The following SCN2A variants were observed in gnomAD, a reference collection of about 807,000 sequenced individuals.
The protein encoded by SCN2A is sodium channel protein type 2 subunit alpha.
SCN2A carries 20 observed loss-of-function variants against 188.7 expected under a neutral mutation model. The observed-to-expected ratio is 0.11, with a 90% confidence interval of 0.07 to 0.15. The LOEUF is 0.15. Among genes scored for constraint, SCN2A ranks in the 10% least tolerant of loss-of-function variants. The pLI, the probability that SCN2A is intolerant of heterozygous loss-of-function variation, is 1.00. For missense variants in SCN2A, 1,278 were observed against 2,445.0 expected (o/e 0.52, Z 10.07); for synonymous variants, 804 against 833.1 (o/e 0.97, Z 0.60).
chr2:165,390,146 C>T lies in SCN2A; in HGVS notation c.*322C>T, dbSNP rs1483314595. Reference sequence around the variant, plus strand: ...AAGTTAAATTTTTATGTAAATTCAACATGTGACACTTGATAATAGTAATTG... The same window carrying T: ...AAGTTAAATTTTTATGTAAATTCAATATGTGACACTTGATAATAGTAATTG... On this transcript the variant is annotated 3_prime_UTR_variant, in exon 27 of 27. Transcript: ENST00000375437. 2 of 290,626 alleles carry T rather than the reference C, an allele frequency of 6.9e-6. No individual in the cohort carries two copies. The highest frequency in any genetic ancestry group is 9.6e-5 in the South Asian group (2 of 20,874). 18.0% of individuals were successfully genotyped at this position (290,626 alleles called of 1,614,324 possible). A position where few individuals can be genotyped will look rare whatever the true frequency, so the allele number is the denominator to read the frequency against.
chr2:165,273,615 G>C (rs1299834001), intron 1 of SCN2A: 2 of 151,820 alleles, frequency 1.3e-5, no homozygotes, highest in South Asian at 2.1e-4. Context: ...CTTTCTCTCT[G>C]TCTGTTTGAG....
chr2:165,266,175 AG>A (rs763447461), intron 1 of SCN2A, among the ~76,000 whole-genome samples: 1 of 152,058 alleles, frequency 6.6e-6, no homozygotes, highest in Non-Finnish European at 1.5e-5. Context: ...GTATTACCAA[AG>A]GCTATGCTTA....
chr2:165,275,540 G>A (rs1467304457), intron 1 of SCN2A, among the ~76,000 whole-genome samples: 2 of 152,180 alleles, frequency 1.3e-5, no homozygotes, highest in African/African-American at 4.8e-5. Context: ...TCTGGAAGAA[G>A]ACTGGCCCTT....
intron 17 of SCN2A, among the ~76,000 whole-genome samples, chr2:165,360,572 C>T (rs1302707555): frequency 6.6e-6 from 1 of 151,812 alleles, no homozygotes; most frequent in Admixed American, 6.6e-5. Flanking sequence ...AATATTTCCA[C>T]CTGAAAGTAA....
chr2:165,360,603 T>C (rs1700411254), intron 17 of SCN2A, among the ~76,000 whole-genome samples: 1 of 151,974 alleles, frequency 6.6e-6, no homozygotes, highest in South Asian at 2.1e-4. Flanking sequence ...ATGCTTTTTT[T>C]CAGAGCATAT....
At chr2:165,289,408 T>G (rs1240355704) in intron 1 of SCN2A, among the ~76,000 whole-genome samples, 1 of 152,080 alleles carries the variant, frequency 6.6e-6, no homozygotes, top group Non-Finnish European at 1.5e-5. Flanking sequence ...AGAATCCCAA[T>G]TCTTAAGATT....
At chr2:165,287,966 T>C (rs1194791386) in intron 1 of SCN2A, among the ~76,000 whole-genome samples, 2 of 152,250 alleles carry the variant, frequency 1.3e-5, no homozygotes, top group African/African-American at 4.8e-5. Context: ...ATGTTCATTT[T>C]CTTTTACAGA....
chr2:165,319,749 A>G (rs1162690001), intron 11 of SCN2A, among the ~76,000 whole-genome samples: 4 of 152,218 alleles, frequency 2.6e-5, no homozygotes, highest in Admixed American at 1.3e-4. Flanking sequence ...ATTCAGTACC[A>G]TGAGAACAGT....
intron 1 of SCN2A, among the ~76,000 whole-genome samples, chr2:165,284,957 C>G (rs1439861691): frequency 6.6e-6 from 1 of 152,056 alleles, no homozygotes; most frequent in African/African-American, 2.4e-5. Context: ...GCCAGTCTAC[C>G]TACAGTAAAA....
chr2:165,321,260 A>G (rs935247387), intron 11 of SCN2A, among the ~76,000 whole-genome samples: 1 of 152,176 alleles, frequency 6.6e-6, no homozygotes, highest in Non-Finnish European at 1.5e-5. Flanking sequence ...TTTAGCCTGG[A>G]CCTTATTGTC....
intron 1 of SCN2A, chr2:165,273,821 T>A (rs1159064193): frequency 1.3e-5 from 2 of 152,154 alleles, no homozygotes; most frequent in Non-Finnish European, 2.9e-5. Context: ...ATGTCACTCA[T>A]GAGTGTCAGC....
intron 1 of SCN2A, chr2:165,243,808 A>G (rs1693727008): frequency 6.6e-6 from 1 of 152,178 alleles, no homozygotes; most frequent in South Asian, 2.1e-4. Context: ...AAAGACTTGA[A>G]GAAGGCACAG....
At chr2:165,312,625 T>C (rs976294905) in intron 8 of SCN2A, among the ~76,000 whole-genome samples, 2 of 152,102 alleles carry the variant, frequency 1.3e-5, no homozygotes, top group African/African-American at 2.4e-5. Flanking sequence ...AATAGGGTTT[T>C]TGTGATGATG....
chr2:165,330,615 T>G (rs555891006), intron 13 of SCN2A, among the ~76,000 whole-genome samples: 1 of 152,254 alleles, frequency 6.6e-6, no homozygotes, highest in South Asian at 2.1e-4. Context: ...ACCATGAAAA[T>G]GTATGAATTA....
At position 165,391,771 on chromosome 2, in the gene SCN2A, A is replaced by T. The variant is rs1406758210; in HGVS notation, c.*1947A>T. 6.6e-6 allele frequency: 1 copy of T among 152,468 alleles called. No individual in the cohort carries two copies. Among genetic ancestry groups the T allele is most frequent in the Admixed American group, 6.6e-5 (1 of 15,252 alleles). 9.4% of individuals were successfully genotyped at this position (152,468 alleles called of 1,614,324 possible). On this transcript the variant is annotated 3_prime_UTR_variant, in exon 27 of 27. Transcript: ENST00000375437. The stretch of plus-strand genomic sequence containing the variant: ...TTCCAATGTTTGTTTACACAGATAG[A>T]TCTTATTGACCCATATGGCACTAGA...
chr2:165,282,127 G>A (rs1400385183), intron 1 of SCN2A, among the ~76,000 whole-genome samples: 2 of 152,284 alleles, frequency 1.3e-5, no homozygotes, highest in Admixed American at 1.3e-4. Context: ...CACAAGCTCA[G>A]GTCAAGTTGC....
At chr2:165,368,031 A>C (rs1338548599) in intron 19 of SCN2A, among the ~76,000 whole-genome samples, 1 of 152,178 alleles carries the variant, frequency 6.6e-6, no homozygotes, top group Non-Finnish European at 1.5e-5. Context: ...CACTTGTGGT[A>C]CCCAAGTTCA....
intron 1 of SCN2A, 86 bp downstream of exon 1, chr2:165,239,726 T>C: frequency 1.8e-6 from 1 of 569,824 alleles, no homozygotes; most frequent in Non-Finnish European, 2.2e-6. Flanking sequence ...GTGTGCTTTG[T>C]TAGCTTGTAT....
intron 25 of SCN2A, among the ~76,000 whole-genome samples, chr2:165,383,836 G>A (rs1701728919): frequency 6.6e-6 from 1 of 152,032 alleles, no homozygotes; most frequent in Admixed American, 6.6e-5. Flanking sequence ...AATGAAGAAG[G>A]GACAGAAAGT....
Sources: allele counts gnomAD v4.1 joint callset (sites outside exome capture counted in the v4.1 genomes callset), GRCh38; gene constraint gnomAD v4.1.1; transcripts MANE v1.5; gene names NCBI Gene and HGNC (gene_info 2026-07-23, HGNC 2026-07-21).